The following GLIS3 variants were observed in gnomAD, a reference collection of about 807,000 sequenced individuals.
GLIS3 encodes the protein zinc finger protein GLIS3.
Under a neutral mutation model 78.6 loss-of-function variants are expected in GLIS3, and 53 were observed. The observed-to-expected ratio is 0.67, with a 90% CI of 0.54 to 0.85. The LOEUF is 0.85. Ranked by LOEUF, GLIS3 falls within the 40% of genes least tolerant of loss-of-function variation. The probability of loss-of-function intolerance (pLI) is 0.00; values close to 1 mark genes in which losing one functional copy is unlikely to be tolerated. For missense variants in GLIS3, 1,703 were observed against 1,231.1 expected (o/e 1.38, Z -5.74); for synonymous variants, 684 against 509.9 (o/e 1.34, Z -4.60).
chr9:4,087,960 A>G (rs772170456), intron 4 of GLIS3, among the ~76,000 whole-genome samples: 7 of 152,190 alleles, frequency 4.6e-5, no homozygotes, highest in South Asian at 2.1e-4. Context: ...TTGGCCCCCA[A>G]TGAACTTTAG....
the GLIS3 span, among the ~76,000 whole-genome samples, chr9:4,481,135 C>G: frequency 2.0e-5 from 3 of 151,958 alleles, no homozygotes; most frequent in Non-Finnish European, 4.4e-5. Flanking sequence ...GGATTACAGG[C>G]ATAAGCCACC....
At chr9:4,257,088 C>T (rs1403652933) in intron 2 of GLIS3, among the ~76,000 whole-genome samples, 1 of 151,950 alleles carries the variant, frequency 6.6e-6, no homozygotes, top group Non-Finnish European at 1.5e-5. Context: ...CATATGTATG[C>T]ATATATGTAT....
chr9:3,979,800 A>G (rs1819101998), intron 4 of GLIS3, among the ~76,000 whole-genome samples: 1 of 152,234 alleles, frequency 6.6e-6, no homozygotes, highest in Non-Finnish European at 1.5e-5. Context: ...GCCTACTTTA[A>G]AAAGATAATT....
intron 2 of GLIS3, among the ~76,000 whole-genome samples, chr9:4,245,477 T>C (rs1027864991): frequency 6.6e-6 from 1 of 152,210 alleles, no homozygotes; most frequent in South Asian, 2.1e-4. Context: ...TCATGGTGTA[T>C]GTACAGGAAA....
chr9:4,283,060 C>G (rs1475439265), intron 2 of GLIS3, among the ~76,000 whole-genome samples: 1 of 147,942 alleles, frequency 6.8e-6, no homozygotes, highest in Admixed American at 6.9e-5. Flanking sequence ...CCCAGACAAC[C>G]CCCTCCATGC....
the GLIS3 span, among the ~76,000 whole-genome samples, chr9:4,478,949 G>A: frequency 6.6e-6 from 1 of 152,122 alleles, no homozygotes; most frequent in Non-Finnish European, 1.5e-5. Context: ...CAACTTATAG[G>A]AAATATTGGG....
rs1298348709 is a variant in GLIS3 at position 4,276,325 on chromosome 9, AGG to A, written c.388+9711_388+9712del. ...AAGAGAAGAAAATGGAGGGGAGGGG[AGG>A]GGAGGAGAGGGAAGGAGAGGGCACG... On this transcript the variant is annotated intron_variant, in intron 2 of 10. Transcript: ENST00000381971. Among the ~76,000 whole-genome samples the A allele has an allele frequency of 1.6e-4, 18 of 111,426 alleles. 1 individual carries two copies. Among genetic ancestry groups the A allele is most frequent in the Admixed American group, 5.8e-4 (6 of 10,354 alleles). 73.1% of individuals were successfully genotyped at this position (111,426 alleles called of 152,430 possible).
the GLIS3 span, among the ~76,000 whole-genome samples, chr9:4,427,277 T>C: frequency 1.3e-5 from 2 of 152,194 alleles, no homozygotes; most frequent in Non-Finnish European, 2.9e-5. Context: ...GTGAAGCATA[T>C]GCCAAGAACT....
intron 2 of GLIS3, among the ~76,000 whole-genome samples, chr9:4,338,987 G>C (rs10974480): frequency 6.6e-6 from 1 of 151,992 alleles, no homozygotes; most frequent in Non-Finnish European, 1.5e-5. Flanking sequence ...TGTGTTACAG[G>C]CTTACCCTTA....
chr9:4,409,127 T>C, the GLIS3 span, among the ~76,000 whole-genome samples: 1,665 of 152,326 alleles, frequency 0.011, 38 homozygotes, highest in African/African-American at 0.038. Context: ...GTTGTAATCC[T>C]GTTAAATTTC....
the GLIS3 span, among the ~76,000 whole-genome samples, chr9:4,363,956 A>G: frequency 1.3e-5 from 2 of 152,162 alleles, no homozygotes; most frequent in Non-Finnish European, 2.9e-5. Flanking sequence ...CAGTATTACA[A>G]AAGAGATTTC....
chr9:4,462,464 A>C, the GLIS3 span, among the ~76,000 whole-genome samples: 29 of 152,092 alleles, frequency 1.9e-4, no homozygotes, highest in Non-Finnish European at 1.2e-4. Flanking sequence ...AGTTAAAAAG[A>C]AGGAGATGGC....
chr9:4,384,733 T>G, the GLIS3 span, among the ~76,000 whole-genome samples: 3 of 152,166 alleles, frequency 2.0e-5, no homozygotes, highest in African/African-American at 7.2e-5. Flanking sequence ...AAAAATTTCC[T>G]TCACCAGCTG....
Position 3,860,293 on chromosome 9 carries a change from A to ACAAACAAAC in GLIS3, c.2298-4110_2298-4109insGTTTGTTTG, listed in dbSNP as rs1563785766. ...CTGTCAAAAAAAAAAAAAAAAAAAA[A>ACAAACAAAC]AAAAAAAAAACCTCTGGGGGATGAG... On this transcript the variant is annotated intron_variant, in intron 8 of 10. Transcript: ENST00000381971. 2.4e-3 allele frequency among the ~76,000 whole-genome samples: 353 copies of ACAAACAAAC among 149,128 alleles called. 5 individuals are homozygous for ACAAACAAAC. The highest frequency in any genetic ancestry group is 8.6e-3 in the African/African-American group (343 of 39,958).
the GLIS3 span, among the ~76,000 whole-genome samples, chr9:4,391,550 G>GGTGT: frequency 0.02 from 2,932 of 146,164 alleles, 36 homozygotes; most frequent in South Asian, 0.057. Context: ...TTCTAAGAGG[G>GGTGT]GTGTGTGTGT....
chr9:4,396,777 G>C, the GLIS3 span, among the ~76,000 whole-genome samples: 1 of 152,202 alleles, frequency 6.6e-6, no homozygotes, highest in South Asian at 2.1e-4. Context: ...TCCTTTCATG[G>C]AACCCAGGTT....
rs140141510 is a variant in GLIS3 at position 4,092,419 on chromosome 9, T to C, written c.1710+25349A>G. ...CGCCTGCCTCAGCCTCCCAATAAAC[T>C]TTATTTTTTGTTTGATTCTTCTGTA... On this transcript the variant is annotated intron_variant, in intron 4 of 10. Coordinates refer to ENST00000381971, the MANE Select transcript of GLIS3 (RefSeq NM_001042413.2). 4.0e-3 allele frequency among the ~76,000 whole-genome samples: 605 copies of C among 152,272 alleles called. 4 individuals carry two copies. Among genetic ancestry groups the C allele is most frequent in the Middle Eastern group, 0.024 (7 of 294 alleles).
rs1281476167 is a variant in GLIS3 at position 4,286,465 on chromosome 9, T to A, written c.-40A>T. The A allele has an allele frequency of 5.0e-6, 8 of 1,611,034 alleles. No homozygotes were observed. The Middle Eastern group carries it at 6.6e-4, about 134-fold the overall frequency. ...GGCCAAGACGGTCAAATATCCAATG[T>A]CACTAATGACTCCTTTCAGGCAAAG... On this transcript the variant is annotated 5_prime_UTR_variant, in exon 2 of 11. Transcript: ENST00000381971.
At chr9:4,352,164 T>C (rs1817979722), upstream of GLIS3, among the ~76,000 whole-genome samples, 1 of 152,212 alleles carries the variant, frequency 6.6e-6, no homozygotes, top group Non-Finnish European at 1.5e-5. Context: ...CTTTGTCTCC[T>C]TTACATAAAA....
Sources: allele counts gnomAD v4.1 joint callset (sites outside exome capture counted in the v4.1 genomes callset), GRCh38; gene constraint gnomAD v4.1.1; transcripts MANE v1.5; gene names NCBI Gene and HGNC (gene_info 2026-07-23, HGNC 2026-07-21).